PHACTR1: variants seen among roughly 807,000 people sequenced by gnomAD.
PHACTR1 encodes the protein RPEL repeat containing 1.
Under a neutral mutation model 69.2 loss-of-function variants are expected in PHACTR1, and 16 were observed. That is an observed-to-expected ratio of 0.23 (90% CI 0.16 to 0.35). The LOEUF is 0.35. Ranked by LOEUF, PHACTR1 falls within the 10% of genes least tolerant of loss-of-function variation. The probability of loss-of-function intolerance (pLI) is 1.00; values close to 1 mark genes in which losing one functional copy is unlikely to be tolerated. For missense variants in PHACTR1, 510 were observed against 734.7 expected (o/e 0.69, Z 3.54); for synonymous variants, 312 against 284.5 (o/e 1.10, Z -0.97).
chr6:13,064,594 ATATATATATATC>A lies in PHACTR1; in HGVS notation c.415+11073_415+11084del, dbSNP rs1808281032. Among the ~76,000 whole-genome samples, 35 of 8,364 alleles carry A rather than the reference ATATATATATATC, an allele frequency of 4.2e-3. 2 individuals are homozygous for A. The highest frequency in any genetic ancestry group is 7.7e-3 in the African/African-American group (12 of 1,560). 5.5% of individuals were successfully genotyped at this position (8,364 alleles called of 152,430 possible). On this transcript the variant is annotated intron_variant, in intron 5 of 14. Coordinates refer to ENST00000332995, the MANE Select transcript of PHACTR1 (RefSeq NM_030948.6). ...TATATATATATATATATATATATAT[ATATATATATATC>A]TATATATCTATCTATCCACACTTGC...
chr6:12,763,678 A>C (rs1057381828), intron 4 of PHACTR1, among the ~76,000 whole-genome samples: 2 of 152,226 alleles, frequency 1.3e-5, no homozygotes, highest in Non-Finnish European at 2.9e-5. Context: ...GTGTTGCCAG[A>C]TTCATTTATT....
intron 4 of PHACTR1, among the ~76,000 whole-genome samples, chr6:13,035,813 G>C (rs2127701132): frequency 6.6e-6 from 1 of 152,240 alleles, no homozygotes; most frequent in South Asian, 2.1e-4. Flanking sequence ...GCCTTGGGGA[G>C]GAAAGGTCAC....
chr6:13,163,582 G>A (rs1759362669), intron 6 of PHACTR1, among the ~76,000 whole-genome samples: 1 of 152,188 alleles, frequency 6.6e-6, no homozygotes. Context: ...ACATAGTAGT[G>A]TATAGGTTTG....
At chr6:13,239,802 C>T (rs1041538400) in intron 10 of PHACTR1, among the ~76,000 whole-genome samples, 2 of 152,142 alleles carry the variant, frequency 1.3e-5, no homozygotes, top group Non-Finnish European at 2.9e-5. Context: ...TTCTGAGCCT[C>T]GACTCTGTGT....
At chr6:13,184,941 C>T (rs1762647432) in intron 7 of PHACTR1, 1 of 1,366,498 alleles carries the variant, frequency 7.3e-7, no homozygotes, top group South Asian at 1.1e-5. Flanking sequence ...AGCAGCTGCC[C>T]CTTCTCAAGC....
At chr6:12,930,077 C>G in intron 4 of PHACTR1, among the ~76,000 whole-genome samples, 1 of 150,196 alleles carries the variant, frequency 6.7e-6, no homozygotes, top group Non-Finnish European at 1.5e-5. Context: ...GGATCTTGCT[C>G]TGTCACCCAG....
At position 12,890,499 on chromosome 6, in the gene PHACTR1, G is replaced by T. The variant is rs540744089; in HGVS notation, c.250+140709G>T. On this transcript the variant is annotated intron_variant, in intron 4 of 14. Coordinates refer to ENST00000332995, the MANE Select transcript of PHACTR1 (RefSeq NM_030948.6). Reference sequence around the variant, plus strand: ...ATTATGTGCAGGTCATACCTGTTCTGGGTCCTGATTCCCCATATTTCTGTC... The same window carrying T: ...ATTATGTGCAGGTCATACCTGTTCTTGGTCCTGATTCCCCATATTTCTGTC... Among the ~76,000 whole-genome samples the T allele has an allele frequency of 2.0e-5, 3 of 152,240 alleles. No individual in the cohort carries two copies. In the South Asian group the frequency reaches 6.2e-4, roughly 32 times the overall value.
intron 6 of PHACTR1, among the ~76,000 whole-genome samples, chr6:13,173,992 C>T (rs1364146552): frequency 6.6e-6 from 1 of 152,206 alleles, no homozygotes; most frequent in Non-Finnish European, 1.5e-5. Context: ...CAAGCGTTTT[C>T]CATTGAAAAC....
At chr6:13,003,037 T>C (rs1020095881) in intron 4 of PHACTR1, among the ~76,000 whole-genome samples, 1 of 152,188 alleles carries the variant, frequency 6.6e-6, no homozygotes, top group African/African-American at 2.4e-5. Context: ...AATGGACAGA[T>C]TTGAAGGTTT....
chr6:12,871,517 C>T (rs1201093959), intron 4 of PHACTR1, among the ~76,000 whole-genome samples: 1 of 152,124 alleles, frequency 6.6e-6, no homozygotes, highest in African/African-American at 2.4e-5. Context: ...GCATTTCCTG[C>T]ATTCTAGATT....
At chr6:13,140,015 T>G (rs1322731802) in intron 5 of PHACTR1, among the ~76,000 whole-genome samples, 1 of 152,204 alleles carries the variant, frequency 6.6e-6, no homozygotes, top group Non-Finnish European at 1.5e-5. Flanking sequence ...TTAAAAGTAT[T>G]TAAGCTCACA....
chr6:12,963,357 C>G (rs1052157421), intron 4 of PHACTR1, among the ~76,000 whole-genome samples: 1 of 152,136 alleles, frequency 6.6e-6, no homozygotes, highest in African/African-American at 2.4e-5. Context: ...AAGGCATAGA[C>G]CAGTTCCCTG....
chr6:13,046,829 AAAC>A (rs1439231721), intron 4 of PHACTR1, among the ~76,000 whole-genome samples: 3 of 152,098 alleles, frequency 2.0e-5, no homozygotes, highest in Non-Finnish European at 4.4e-5. Flanking sequence ...AAAAATCAAA[AAAC>A]AACAACAAAA....
intron 4 of PHACTR1, among the ~76,000 whole-genome samples, chr6:12,882,452 C>A (rs764469646): frequency 6.6e-6 from 1 of 151,842 alleles, no homozygotes; most frequent in Non-Finnish European, 1.5e-5. Context: ...CAGCTTCAAA[C>A]CTATGAAAAG....
intron 4 of PHACTR1, among the ~76,000 whole-genome samples, chr6:12,985,156 C>T (rs929530122): frequency 3.3e-5 from 5 of 152,072 alleles, no homozygotes; most frequent in Admixed American, 1.3e-4. Flanking sequence ...TAAGTTGATA[C>T]TTTAAGATGC....
chr6:12,947,625 T>C (rs1452405305), intron 4 of PHACTR1, among the ~76,000 whole-genome samples: 1 of 152,208 alleles, frequency 6.6e-6, no homozygotes, highest in Non-Finnish European at 1.5e-5. Flanking sequence ...CTGACTCTAG[T>C]GGCTATAAAT....
chr6:12,953,831 T>C (rs1168939286), intron 4 of PHACTR1, among the ~76,000 whole-genome samples: 1 of 151,988 alleles, frequency 6.6e-6, no homozygotes, highest in Non-Finnish European at 1.5e-5. Flanking sequence ...AAAGGAAGAG[T>C]ATTGTAATTC....
intron 4 of PHACTR1, among the ~76,000 whole-genome samples, chr6:12,863,570 T>C (rs1781150057): frequency 6.6e-6 from 1 of 152,238 alleles, no homozygotes; most frequent in African/African-American, 2.4e-5. Flanking sequence ...GGTGAGATTA[T>C]GAAATGCCCT....
At chr6:12,973,176 AC>A (rs1794442560) in intron 4 of PHACTR1, among the ~76,000 whole-genome samples, 1 of 152,070 alleles carries the variant, frequency 6.6e-6, no homozygotes, top group South Asian at 2.1e-4. Flanking sequence ...TGCTCTAGAA[AC>A]CCTTTGTTTA....
Sources: allele counts gnomAD v4.1 joint callset (sites outside exome capture counted in the v4.1 genomes callset), GRCh38; gene constraint gnomAD v4.1.1; transcripts MANE v1.5; gene names NCBI Gene and HGNC (gene_info 2026-07-23, HGNC 2026-07-21).